The following SLC18A1 variants were observed in gnomAD, a reference collection of about 807,000 sequenced individuals.
The protein encoded by SLC18A1 is solute carrier family 18 member A1.
SLC18A1 carries 69 observed loss-of-function variants against 53.7 expected under a neutral mutation model. The observed-to-expected ratio is 1.28, with a 90% CI of 1.06 to 1.57. SLC18A1 has a LOEUF of 1.57. Ranked by LOEUF, SLC18A1 falls within the 40% of genes most tolerant of loss-of-function variation. The pLI is 0.00. For synonymous variants in SLC18A1, 320 were observed against 248.1 expected, an observed-to-expected ratio of 1.29 and a Z score of -2.72; for missense variants, 932 against 668.1, an observed-to-expected ratio of 1.40 and a Z score of -4.35.
rs1034682671 is a variant in SLC18A1, at chr8:20,163,170, A to G, written c.1015+1699T>C. On this transcript the variant is annotated intron_variant, in intron 10 of 15. Transcript: ENST00000276373. Reference sequence around the variant, plus strand: ...TCATAACATGGCCAAAGGGGGTCACATGGAGAGAGAGCACACATGAGAGAG... The same window carrying G: ...TCATAACATGGCCAAAGGGGGTCACGTGGAGAGAGAGCACACATGAGAGAG... Among the ~76,000 whole-genome samples, 4 of 152,174 alleles carry G rather than the reference A, an allele frequency of 2.6e-5. No homozygotes were observed. The South Asian group carries it at 6.2e-4, about 24-fold the overall frequency.
intron 10 of SLC18A1, among the ~76,000 whole-genome samples, chr8:20,157,425 C>A (rs1214159986): frequency 1.3e-5 from 2 of 152,064 alleles, no homozygotes; most frequent in African/African-American, 4.8e-5. Context: ...TGTAGACTCT[C>A]ATTATGATGC....
chr8:20,156,294 T>C (rs2071679699), intron 10 of SLC18A1, among the ~76,000 whole-genome samples: 1 of 146,632 alleles, frequency 6.8e-6, no homozygotes, highest in African/African-American at 2.5e-5. Context: ...AACTCAAAAA[T>C]CTTAAAGTAT....
chr8:20,172,070 A>G (rs1457982833), intron 6 of SLC18A1, among the ~76,000 whole-genome samples: 2 of 152,244 alleles, frequency 1.3e-5, no homozygotes, highest in East Asian at 3.9e-4. Flanking sequence ...GGTGAGAAAC[A>G]TCACCTGCTC....
In SLC18A1 at chr8:20,179,614, A is replaced by T. The variant is rs2072364913; in HGVS notation, c.125-130T>A. 3.2e-6 allele frequency: 4 copies of T among 1,233,356 alleles called. No individual in the cohort carries two copies. In the Admixed American group the frequency reaches 9.0e-5, roughly 28 times the overall value. 76.4% of individuals were successfully genotyped at this position (1,233,356 alleles called of 1,614,324 possible). A position where few individuals can be genotyped will look rare whatever the true frequency, so the allele number is the denominator to read the frequency against. ...AGGACAGGTGATGGGGGCTAAGGAC[A>T]GATGTCATCTTACCACTACTAGGAT... On this transcript the variant is annotated intron_variant, in intron 2 of 15. Coordinates refer to ENST00000276373, the MANE Select transcript of SLC18A1 (RefSeq NM_003053.4).
At chr8:20,172,904 G>C (rs1015004120) in intron 6 of SLC18A1, 132 bp downstream of exon 6, 7 of 667,676 alleles carry the variant, frequency 1.0e-5, no homozygotes, top group Non-Finnish European at 1.6e-5. Flanking sequence ...TTTTCTCAGT[G>C]ATATTTCTAA....
intron 8 of SLC18A1, among the ~76,000 whole-genome samples, chr8:20,165,826 G>A (rs915695487): frequency 1.3e-5 from 2 of 152,080 alleles, no homozygotes; most frequent in East Asian, 3.9e-4. Flanking sequence ...TTCTTTTCTA[G>A]AGAGCTCCCT....
chr8:20,159,634 CAAAA>C (rs200123466), intron 10 of SLC18A1, among the ~76,000 whole-genome samples: 4 of 81,508 alleles, frequency 4.9e-5, no homozygotes, highest in African/African-American at 1.4e-4. Flanking sequence ...TTGCAGCTGC[CAAAA>C]AAAAAAAAAA....
rs755305649 is a variant in SLC18A1, at chr8:20,177,478, G to A, written c.547+957C>T. Among the ~76,000 whole-genome samples, 13 of 152,148 alleles carry A rather than the reference G, an allele frequency of 8.5e-5. No individual in the cohort carries two copies. The South Asian group carries it at 1.0e-3, about 12-fold the overall frequency. On this transcript the variant is annotated intron_variant, in intron 4 of 15. Coordinates refer to ENST00000276373, the MANE Select transcript of SLC18A1 (RefSeq NM_003053.4). ...CACCGGAAGGGGAACTTCACACACC[G>A]GGGCCTGTCATGGAGTCGGGGGAGA...
chr8:20,177,496 G>T (rs952730509), intron 4 of SLC18A1, among the ~76,000 whole-genome samples: 1 of 152,138 alleles, frequency 6.6e-6, no homozygotes, highest in African/African-American at 2.4e-5. Context: ...TCATGGAGTC[G>T]GGGGAGAGGG....
chr8:20,162,850 C>G (rs2128873492), intron 10 of SLC18A1, among the ~76,000 whole-genome samples: 1 of 152,332 alleles, frequency 6.6e-6, no homozygotes, highest in African/African-American at 2.4e-5. Flanking sequence ...AATGCCTTAA[C>G]CACAGCAATA....
Position 20,144,862 on chromosome 8 carries a change from G to A in SLC18A1, c.*901C>T, listed in dbSNP as rs758363975. The A allele has an allele frequency of 6.6e-6, 1 of 152,100 alleles. No individual in the cohort carries two copies. The highest frequency in any genetic ancestry group is 1.5e-5 in the Non-Finnish European group (1 of 68,026). 9.4% of individuals were successfully genotyped at this position (152,100 alleles called of 1,614,324 possible). A position where few individuals can be genotyped will look rare whatever the true frequency, so the allele number is the denominator to read the frequency against. ...CATCTAGTTTACCAGGTCTGAATTA[G>A]GCAATAATGTATTTATTAGCAAGTA... On this transcript the variant is annotated 3_prime_UTR_variant, in exon 16 of 16. Coordinates refer to ENST00000276373, the MANE Select transcript of SLC18A1 (RefSeq NM_003053.4).
chr8:20,149,773 C>T (rs1250988903), intron 11 of SLC18A1, 46 bp from the exon 12 acceptor site: 6 of 1,580,092 alleles, frequency 3.8e-6, no homozygotes, highest in South Asian at 3.3e-5. Flanking sequence ...GGAGAGCTCC[C>T]CTCCACCTGT....
intron 4 of SLC18A1, 119 bp downstream of exon 4, chr8:20,178,316 C>A: frequency 1.4e-6 from 1 of 729,222 alleles, no homozygotes; most frequent in Admixed American, 3.0e-5. Flanking sequence ...ACCAATATTC[C>A]AGTCTGCTTA....
intron 4 of SLC18A1, chr8:20,175,238 C>G (rs1321547874): frequency 6.6e-6 from 1 of 152,174 alleles, no homozygotes. Flanking sequence ...CTCCATTATC[C>G]TATTCTTTTT....
chr8:20,168,484 A>G (rs966483239), intron 8 of SLC18A1, among the ~76,000 whole-genome samples: 1 of 152,216 alleles, frequency 6.6e-6, no homozygotes, highest in Non-Finnish European at 1.5e-5. Context: ...ACATAATCAC[A>G]TGTACATAAA....
chr8:20,156,609 G>A (rs1192436677), intron 10 of SLC18A1, among the ~76,000 whole-genome samples: 1 of 152,168 alleles, frequency 6.6e-6, no homozygotes, highest in Admixed American at 6.5e-5. Flanking sequence ...AAGCCTTAAA[G>A]TACTTACAAA....
Position 20,148,040 on chromosome 8 carries a change from T to A in SLC18A1, c.1177A>T (p.Ile393Phe). Reference sequence around the variant, plus strand: ...AGGCCAAGCCCTGCATTGGGGCCAATGAGACCAAAAATATTGTGAGCCAGA... The same window carrying A: ...AGGCCAAGCCCTGCATTGGGGCCAAAGAGACCAAAAATATTGTGAGCCAGA... ...VPLAHNIFGL[I>F]GPNAGLGLAI... The change falls in exon 13 of 16, where the codon ATT (isoleucine) becomes TTT (phenylalanine). Residue 393 changes from isoleucine (I) to phenylalanine (F), a missense_variant. Coordinates refer to ENST00000276373, the MANE Select transcript of SLC18A1 (RefSeq NM_003053.4). The A allele has an allele frequency of 1.2e-6, 2 of 1,613,828 alleles. No individual in the cohort carries two copies. The highest frequency in any genetic ancestry group is 1.7e-6 in the Non-Finnish European group (2 of 1,179,796).
At chr8:20,176,129 C>A (rs1240367823) in intron 4 of SLC18A1, among the ~76,000 whole-genome samples, 3 of 152,070 alleles carry the variant, frequency 2.0e-5, no homozygotes, top group Non-Finnish European at 4.4e-5. Flanking sequence ...GAGATGGGGC[C>A]CAGTGGAAGG....
At chr8:20,176,488 G>C (rs546928791) in intron 4 of SLC18A1, among the ~76,000 whole-genome samples, 3 of 152,188 alleles carry the variant, frequency 2.0e-5, no homozygotes, top group African/African-American at 7.2e-5. Context: ...TCAATTCTAG[G>C]CAAACCAGGA....
Sources: allele counts gnomAD v4.1 joint callset (sites outside exome capture counted in the v4.1 genomes callset), GRCh38; gene constraint gnomAD v4.1.1; transcripts MANE v1.5; gene names NCBI Gene and HGNC (gene_info 2026-07-23, HGNC 2026-07-21).